Variants in ERCC6L2 observed in about 807,000 individuals in gnomAD.
ERCC6L2 encodes DNA excision repair protein ERCC-6-like 2.
In ERCC6L2, 77 loss-of-function variants were observed where a neutral mutation model predicts 132.0. The observed-to-expected ratio is 0.58, with a 90% CI of 0.49 to 0.71. ERCC6L2 has a LOEUF of 0.71. Among genes scored for constraint, ERCC6L2 ranks in the 30% least tolerant of loss-of-function variants. The probability of loss-of-function intolerance (pLI) is 0.00; values close to 1 mark genes in which losing one functional copy is unlikely to be tolerated. For missense variants in ERCC6L2, 1,542 were observed against 1,837.6 expected (o/e 0.84, Z 2.94); for synonymous variants, 583 against 632.4 (o/e 0.92, Z 1.17).
In ERCC6L2 at chr9:95,894,584, CTTTTTTTTTTTTTTT is replaced by C. The variant is rs1218474585; in HGVS notation, c.472-3252_472-3238del. ...CTTCTGTGGCCTGGCATATGTCAGC[CTTTTTTTTTTTTTTT>C]TTTTTTTTTTTTGAGACGGAGTTTC... On this transcript the variant is annotated intron_variant, in intron 2 of 18. Coordinates refer to ENST00000653738, the MANE Select transcript of ERCC6L2 (RefSeq NM_020207.7). Among the ~76,000 whole-genome samples, 36 of 83,496 alleles carry C rather than the reference CTTTTTTTTTTTTTTT, an allele frequency of 4.3e-4. 1 individual carries two copies. Among genetic ancestry groups the C allele is most frequent in the South Asian group, 4.3e-4 (1 of 2,316 alleles). The allele number at this position is 83,496 out of a possible 152,430, so 54.8% of individuals were successfully genotyped here.
chr9:95,968,671 T>A (rs987019234), intron 14 of ERCC6L2: 8 of 152,222 alleles, frequency 5.3e-5, no homozygotes, highest in African/African-American at 1.7e-4. Context: ...TCTGGGCAAT[T>A]TCATTCTGTT....
intron 2 of ERCC6L2, among the ~76,000 whole-genome samples, chr9:95,887,350 T>C (rs1827925816): frequency 2.6e-5 from 4 of 152,204 alleles, no homozygotes; most frequent in Non-Finnish European, 4.4e-5. Context: ...AGCTCTAATA[T>C]AGTATTTGAA....
intron 17 of ERCC6L2, among the ~76,000 whole-genome samples, chr9:95,991,970 T>C (rs985488780): frequency 1.2e-4 from 19 of 152,216 alleles, no homozygotes; most frequent in Non-Finnish European, 2.6e-4. Context: ...TATCTCCAAA[T>C]CTGAAAATAT....
At chr9:95,923,783 C>G (rs570670475) in intron 9 of ERCC6L2, among the ~76,000 whole-genome samples, 1 of 152,248 alleles carries the variant, frequency 6.6e-6, no homozygotes, top group Non-Finnish European at 1.5e-5. Flanking sequence ...AAAGGAATTT[C>G]TTGAAGAGTT....
chr9:96,032,957 C>T (rs1834478767), intron 19 of ERCC6L2, among the ~76,000 whole-genome samples: 1 of 152,202 alleles, frequency 6.6e-6, no homozygotes, highest in Admixed American at 6.5e-5. Flanking sequence ...CTCGTTTAAT[C>T]TCAAACCCAG....
In ERCC6L2 at chr9:95,972,072, A is replaced by G. The variant is rs1198803820; in HGVS notation, c.2321A>G (p.Lys774Arg). Residue 774 changes from lysine (K) to arginine (R), a missense_variant, in exon 16 of 19, where the codon AAA (lysine) becomes AGA (arginine). Lys to Arg is a conservative substitution (Grantham distance 26). Around this residue, in one of 4 missense-constraint regions of ERCC6L2, gnomAD observed 945 missense variants for 1,105.2 expected, o/e 0.86. Coordinates refer to ENST00000653738, the MANE Select transcript of ERCC6L2 (RefSeq NM_020207.7). Reference protein sequence around the residue: ...GATGIKTAKNKAPDSSKASSS... With the variant: ...GATGIKTAKNRAPDSSKASSS... Reference sequence around the variant, plus strand: ...ACAGGAATAAAGACTGCCAAAAACAAAGCACCCGATTCAAGTAAAGCTTCC... The same window carrying G: ...ACAGGAATAAAGACTGCCAAAAACAGAGCACCCGATTCAAGTAAAGCTTCC... The G allele has an allele frequency of 3.1e-6, 4 of 1,304,314 alleles. No homozygotes were observed. In the Admixed American group the frequency reaches 6.9e-5, roughly 22 times the overall value. 80.8% of individuals were successfully genotyped at this position (1,304,314 alleles called of 1,614,324 possible).
chr9:95,950,281 A>G (rs1831270495), intron 12 of ERCC6L2, among the ~76,000 whole-genome samples: 1 of 152,218 alleles, frequency 6.6e-6, no homozygotes, highest in South Asian at 2.1e-4. Flanking sequence ...TAAGGTTGTT[A>G]TAACTTTAGG....
chr9:96,007,755 T>C (rs1833907286), intron 18 of ERCC6L2, among the ~76,000 whole-genome samples: 1 of 152,048 alleles, frequency 6.6e-6, no homozygotes, highest in Admixed American at 6.6e-5. Flanking sequence ...GGGATTGGAT[T>C]AGATCAAGAT....
At chr9:95,945,922 G>T (rs1343547718) in intron 12 of ERCC6L2, among the ~76,000 whole-genome samples, 1 of 151,968 alleles carries the variant, frequency 6.6e-6, no homozygotes, top group Non-Finnish European at 1.5e-5. Flanking sequence ...AGTGGGGCTG[G>T]CAGAAAGGAA....
At chr9:95,916,112 G>A in intron 5 of ERCC6L2, 115 bp from the exon 6 acceptor site, 1 of 995,080 alleles carries the variant, frequency 1.0e-6, no homozygotes, top group South Asian at 1.6e-5. Context: ...CTGTTTTCTT[G>A]GCTTTTGTTT....
intron 2 of ERCC6L2, among the ~76,000 whole-genome samples, chr9:95,897,592 T>C (rs1365825924): frequency 6.6e-6 from 1 of 152,144 alleles, no homozygotes; most frequent in African/African-American, 2.4e-5. Context: ...AGTGATGGAA[T>C]TAAGAAAGAA....
At position 95,915,545 on chromosome 9, in the gene ERCC6L2, C is replaced by CA. The variant is rs1489901553; in HGVS notation, c.789-122dup. 55 of 965,270 alleles carry CA rather than the reference C, an allele frequency of 5.7e-5. No individual in the cohort carries two copies. The East Asian group carries it at 1.3e-3, about 23-fold the overall frequency. 59.8% of individuals were successfully genotyped at this position (965,270 alleles called of 1,614,324 possible). A position where few individuals can be genotyped will look rare whatever the true frequency, so the allele number is the denominator to read the frequency against. ...TAAGTGGGTAAGAATCCAATGGAGT[C>CA]ATCAAAGAGTAAAAAGGAAAAAATA... On this transcript the variant is annotated intron_variant, in intron 4 of 18. Transcript: ENST00000653738.
intron 17 of ERCC6L2, among the ~76,000 whole-genome samples, chr9:96,001,246 G>A (rs1287527187): frequency 6.6e-6 from 1 of 152,222 alleles, no homozygotes; most frequent in African/African-American, 2.4e-5. Context: ...TCCACAGTGT[G>A]GAAGGGGACC....
rs1166655025 is a variant in ERCC6L2 at position 95,970,637 on chromosome 9, C to T, written c.2162C>T (p.Pro721Leu). Residue 721 changes from proline (P) to leucine (L), a missense_variant, in exon 15 of 19, where the codon CCA becomes CTA. Pro to Leu is a moderately conservative substitution (Grantham distance 98). This residue lies in a region of ERCC6L2 where 945 missense variants were observed against 1,105.2 expected (regional missense o/e 0.86). Transcript: ENST00000653738. ...ACAACATGGTTGAAAGAGGGACCTC[C>T]AGCACACAAACTGGAAATGGTATGT... ...TATTWLKEGP[P>L]AHKLEMPRQP... is the part of the protein sequence containing the mutation. The T allele has an allele frequency of 7.7e-7, 1 of 1,303,362 alleles. No homozygotes were observed. The highest frequency in any genetic ancestry group is 2.3e-5 in the Admixed American group (1 of 43,450). The allele number at this position is 1,303,362 out of a possible 1,614,324, so 80.7% of individuals were successfully genotyped here.
intron 17 of ERCC6L2, among the ~76,000 whole-genome samples, chr9:96,002,540 G>A (rs1833725372): frequency 6.6e-6 from 1 of 151,424 alleles, no homozygotes; most frequent in Non-Finnish European, 1.5e-5. Flanking sequence ...TCCCACCTCA[G>A]CCTCCAGAGT....
intron 17 of ERCC6L2, among the ~76,000 whole-genome samples, chr9:95,988,425 G>A (rs17305329): frequency 0.11 from 16,097 of 152,048 alleles, 936 homozygotes; most frequent in Admixed American, 0.14. Flanking sequence ...ACTTAGTATC[G>A]GAGTCAAATT....
intron 17 of ERCC6L2, among the ~76,000 whole-genome samples, chr9:96,002,514 C>T (rs141175035): frequency 3.1e-4 from 47 of 151,992 alleles, no homozygotes; most frequent in South Asian, 2.1e-4. Context: ...TTCTGCCTCC[C>T]GGGCTCAAGC....
intron 19 of ERCC6L2, among the ~76,000 whole-genome samples, chr9:96,026,567 C>G (rs527617001): frequency 6.6e-6 from 1 of 151,744 alleles, no homozygotes; most frequent in African/African-American, 2.4e-5. Context: ...TGTTTCTGCA[C>G]ACGCCCACCG....
intron 12 of ERCC6L2, among the ~76,000 whole-genome samples, chr9:95,951,892 A>G: frequency 6.6e-6 from 1 of 151,890 alleles, no homozygotes; most frequent in South Asian, 2.1e-4. Flanking sequence ...CAATCCAGCC[A>G]GGCACGGTGG....
Sources: allele counts gnomAD v4.1 joint callset (sites outside exome capture counted in the v4.1 genomes callset), GRCh38; gene constraint gnomAD v4.1.1; regional missense constraint gnomAD v4.1.1; transcripts MANE v1.5; gene names NCBI Gene and HGNC (gene_info 2026-07-23, HGNC 2026-07-21).